The following COP1 variants were observed in gnomAD, a reference collection of about 807,000 sequenced individuals.
The protein encoded by COP1 is E3 ubiquitin-protein ligase COP1.
In COP1, 24 loss-of-function variants were observed where a neutral mutation model predicts 101.3. The ratio of observed to expected loss-of-function variants is 0.24; its 90% confidence interval spans 0.17 to 0.33. The LOEUF (loss-of-function observed/expected upper bound fraction) is 0.33, where lower values mean the gene tolerates loss of function less well. Among genes scored for constraint, COP1 ranks in the 10% least tolerant of loss-of-function variants. The pLI, the probability that COP1 is intolerant of heterozygous loss-of-function variation, is 1.00. For missense variants in COP1, 663 were observed against 906.2 expected (o/e 0.73, Z 3.45); for synonymous variants, 347 against 341.9 (o/e 1.01, Z -0.17).
intron 9 of COP1, among the ~76,000 whole-genome samples, chr1:176,107,384 G>A (rs1440704279): frequency 6.6e-6 from 1 of 152,080 alleles, no homozygotes; most frequent in Non-Finnish European, 1.5e-5. Flanking sequence ...AGCAAGGTCA[G>A]TACGGAATGA....
At chr1:175,951,863 G>GA (rs1002930279) in intron 18 of COP1, among the ~76,000 whole-genome samples, 2 of 111,634 alleles carry the variant, frequency 1.8e-5, no homozygotes, top group Non-Finnish European at 4.0e-5. Context: ...AGAAGGAAGA[G>GA]AAAAAAATAT....
chr1:175,951,689 C>G (rs902997938), intron 18 of COP1, among the ~76,000 whole-genome samples: 1 of 151,622 alleles, frequency 6.6e-6, no homozygotes, highest in Non-Finnish European at 1.5e-5. Context: ...ATGGACATAA[C>G]AACAGATGAG....
chr1:175,976,270 CTTTTTTTTTTTT>C (rs10694480), intron 18 of COP1, among the ~76,000 whole-genome samples: 7 of 56,834 alleles, frequency 1.2e-4, no homozygotes, highest in Non-Finnish European at 1.8e-4. Flanking sequence ...ATTAGTCATT[CTTTTTTTTTTTT>C]TTTTTTTTTT....
At chr1:176,118,715 G>A (rs1686611201) in intron 8 of COP1, among the ~76,000 whole-genome samples, 1 of 152,110 alleles carries the variant, frequency 6.6e-6, no homozygotes, top group African/African-American at 2.4e-5. Flanking sequence ...ATGCATCGCT[G>A]CATTCCAGCC....
chr1:176,146,972 A>C (rs1187585786), intron 6 of COP1, among the ~76,000 whole-genome samples: 1 of 152,222 alleles, frequency 6.6e-6, no homozygotes, highest in Non-Finnish European at 1.5e-5. Context: ...CTTAACATTA[A>C]ATCCAAAAAG....
At chr1:176,138,486 T>A (rs1382084771) in intron 6 of COP1, among the ~76,000 whole-genome samples, 3 of 152,144 alleles carry the variant, frequency 2.0e-5, no homozygotes. Context: ...CCTTAAAATA[T>A]GTCACACAAT....
chr1:175,998,352 C>T (rs1456383040), intron 15 of COP1, among the ~76,000 whole-genome samples: 1 of 151,018 alleles, frequency 6.6e-6, no homozygotes, highest in East Asian at 2.0e-4. Flanking sequence ...AGGAGATATA[C>T]CTAATGCTAA....
At chr1:176,026,111 T>A (rs1032438892) in intron 15 of COP1, among the ~76,000 whole-genome samples, 13 of 152,132 alleles carry the variant, frequency 8.5e-5, no homozygotes, top group Middle Eastern at 3.4e-3. Flanking sequence ...TGTATGAAAA[T>A]GTATAATACT....
At chr1:176,043,567 T>C (rs1056341983) in intron 13 of COP1, 143 bp downstream of exon 13, 36 of 624,046 alleles carry the variant, frequency 5.8e-5, no homozygotes, top group Admixed American at 2.9e-5. Context: ...AAAAAAGCAT[T>C]TGGTATTGCA....
rs144770892 is a variant in COP1, at chr1:176,112,881, C to T, written c.1026+3743G>A. On this transcript the variant is annotated intron_variant, in intron 9 of 19. Transcript: ENST00000367669. The stretch of plus-strand genomic sequence containing the variant: ...ACCTCCAGTTCCATCCATGTTGCTG[C>T]AAATGACAGGATTTCATTCTTTTTT... 7.8e-3 allele frequency among the ~76,000 whole-genome samples: 1,185 copies of T among 152,282 alleles called. 13 individuals are homozygous for T. The highest frequency in any genetic ancestry group is 0.027 in the African/African-American group (1,122 of 41,542).
At chr1:176,063,205 G>A (rs1256602837) in intron 11 of COP1, among the ~76,000 whole-genome samples, 4 of 151,680 alleles carry the variant, frequency 2.6e-5, no homozygotes, top group African/African-American at 7.3e-5. Context: ...GACTACAGGC[G>A]CCCGCCACCG....
intron 14 of COP1, among the ~76,000 whole-genome samples, chr1:176,032,255 T>G (rs1668764241): frequency 6.6e-6 from 1 of 152,122 alleles, no homozygotes; most frequent in Admixed American, 6.6e-5. Flanking sequence ...AAAACTACCA[T>G]AAAACTCAGG....
At chr1:175,992,575 T>C (rs1030601157) in intron 15 of COP1, among the ~76,000 whole-genome samples, 13 of 152,138 alleles carry the variant, frequency 8.5e-5, no homozygotes, top group African/African-American at 3.1e-4. Context: ...GCTTAAAAAA[T>C]GGCGGACCAG....
At chr1:175,976,296 T>TTTTTTTTTTTA (rs1553284850) in intron 18 of COP1, among the ~76,000 whole-genome samples, 4 of 137,306 alleles carry the variant, frequency 2.9e-5, no homozygotes, top group Non-Finnish European at 6.2e-5. Flanking sequence ...TTTTTTTTTT[T>TTTTTTTTTTTA]AGACAGAGTC....
intron 5 of COP1, among the ~76,000 whole-genome samples, chr1:176,157,372 T>C (rs1010902816): frequency 6.6e-6 from 1 of 152,096 alleles, no homozygotes; most frequent in African/African-American, 2.4e-5. Context: ...CACATGCAAA[T>C]TGAGCTTCCC....
intron 9 of COP1, among the ~76,000 whole-genome samples, chr1:176,102,512 C>T (rs749935145): frequency 1.8e-4 from 28 of 152,200 alleles, no homozygotes; most frequent in Non-Finnish European, 3.8e-4. Context: ...AACAAACCAT[C>T]TTGCTTCTAA....
At position 175,951,965 on chromosome 1, in the gene COP1, A is replaced by C. The variant is rs759648315; in HGVS notation, c.2134-4726T>G. ...ACAATTTCTGGCAGAAAGAAGCACA[A>C]CACCACATCAAGGCACACCACAGTT... On this transcript the variant is annotated intron_variant, in intron 18 of 19. Transcript: ENST00000367669. Among the ~76,000 whole-genome samples, 5 of 152,228 alleles carry C rather than the reference A, an allele frequency of 3.3e-5. No homozygotes were observed. The East Asian group carries it at 7.7e-4, about 23-fold the overall frequency.
intron 18 of COP1, among the ~76,000 whole-genome samples, chr1:175,952,240 G>A (rs1467347105): frequency 6.6e-6 from 1 of 151,796 alleles, no homozygotes; most frequent in East Asian, 1.9e-4. Flanking sequence ...TGGCCAACAT[G>A]GTGAAACCCC....
chr1:176,154,525 T>TTAGCA (rs1693156312), intron 5 of COP1, among the ~76,000 whole-genome samples: 1 of 152,046 alleles, frequency 6.6e-6, no homozygotes, highest in South Asian at 2.1e-4. Flanking sequence ...CTTAGCAAAC[T>TTAGCA]AACACAGGAC....
Sources: gnomAD v4.1 joint callset for allele counts (sites outside exome capture counted in the v4.1 genomes callset) on GRCh38, gnomAD v4.1.1 for gene constraint, MANE v1.5 for transcripts, NCBI Gene and HGNC (gene_info 2026-07-23, HGNC 2026-07-21) for gene names.